JAZF1: variants seen among roughly 807,000 people sequenced by gnomAD.
The protein encoded by JAZF1 is JAZF zinc finger 1.
Under a neutral mutation model 26.4 loss-of-function variants are expected in JAZF1, and 8 were observed. The ratio of observed to expected loss-of-function variants is 0.30; its 90% CI spans 0.18 to 0.55. The LOEUF is 0.55. JAZF1 is among the 20% of genes least tolerant of loss of function. JAZF1 has a pLI of 0.94. For synonymous variants in JAZF1, 126 were observed against 122.3 expected (o/e 1.03, Z -0.20); for missense variants, 199 against 322.0 (o/e 0.62, Z 2.92).
intron 2 of JAZF1, among the ~76,000 whole-genome samples, chr7:27,968,710 T>C (rs1017592734): frequency 2.0e-5 from 3 of 152,192 alleles, no homozygotes; most frequent in African/African-American, 7.2e-5. Context: ...ATTCCCGCTG[T>C]CTAGCAAAGA....
chr7:28,083,116 C>T (rs1010168896), intron 1 of JAZF1, among the ~76,000 whole-genome samples: 23 of 152,174 alleles, frequency 1.5e-4, no homozygotes, highest in African/African-American at 5.6e-4. Context: ...TGCCTTCCAG[C>T]TTTTTGGCTT....
chr7:27,918,497 G>A (rs1385901321), intron 2 of JAZF1, among the ~76,000 whole-genome samples: 2 of 152,200 alleles, frequency 1.3e-5, no homozygotes, highest in Non-Finnish European at 2.9e-5. Context: ...AGGCATCTTT[G>A]TACCATCTTG....
At chr7:27,920,351 C>A (rs927802585) in intron 2 of JAZF1, among the ~76,000 whole-genome samples, 1 of 152,194 alleles carries the variant, frequency 6.6e-6, no homozygotes, top group Non-Finnish European at 1.5e-5. Context: ...AAAATCAGGA[C>A]ATTATTTATT....
chr7:28,072,161 G>C (rs1288718714), intron 1 of JAZF1, among the ~76,000 whole-genome samples: 1 of 152,204 alleles, frequency 6.6e-6, no homozygotes, highest in Non-Finnish European at 1.5e-5. Context: ...TTCACACACA[G>C]TTTGCACCTT....
intron 2 of JAZF1, among the ~76,000 whole-genome samples, chr7:27,947,954 C>CT (rs1190743542): frequency 6.6e-5 from 10 of 152,096 alleles, no homozygotes; most frequent in African/African-American, 2.2e-4. Flanking sequence ...TCCTACTTCT[C>CT]TTTTCTTATC....
At chr7:27,928,024 G>A (rs779019280) in intron 2 of JAZF1, among the ~76,000 whole-genome samples, 1 of 152,170 alleles carries the variant, frequency 6.6e-6, no homozygotes, top group Non-Finnish European at 1.5e-5. Flanking sequence ...TATTTGAATA[G>A]TTCATTTGTA....
intron 1 of JAZF1, among the ~76,000 whole-genome samples, chr7:28,151,389 G>A (rs1783110046): frequency 6.6e-6 from 1 of 151,788 alleles, no homozygotes; most frequent in South Asian, 2.1e-4. Flanking sequence ...ACAGGCATAA[G>A]CCACCATACC....
intron 1 of JAZF1, among the ~76,000 whole-genome samples, chr7:28,164,901 G>A (rs183003694): frequency 9.8e-5 from 15 of 152,296 alleles, no homozygotes; most frequent in Admixed American, 9.8e-4. Context: ...TCGGCATGTG[G>A]CTCACATCTG....
intron 2 of JAZF1, among the ~76,000 whole-genome samples, chr7:27,932,546 G>A (rs1784701923): frequency 6.6e-6 from 1 of 152,136 alleles, no homozygotes; most frequent in Admixed American, 6.5e-5. Flanking sequence ...ATGAAATACA[G>A]ACTTTTAAAA....
rs745661574 is a variant in JAZF1 at position 27,840,969 on chromosome 7, G to A, written c.386-102C>T. 27 of 1,251,462 alleles carry A rather than the reference G, an allele frequency of 2.2e-5. No individual in the cohort carries two copies. Among genetic ancestry groups the A allele is most frequent in the Middle Eastern group, 2.6e-4 (1 of 3,794 alleles). The allele number at this position is 1,251,462 out of a possible 1,614,324, so 77.5% of individuals were successfully genotyped here. The stretch of plus-strand genomic sequence containing the variant: ...GGAGATGTGGCCGTGGCAGAGCAGC[G>A]CTGACGGCCCAGGGAGAGGGCACTC... On this transcript the variant is annotated intron_variant, in intron 3 of 4. Transcript: ENST00000283928. The surrounding 1 kb of genome is among the most constrained non-coding windows in gnomAD (Gnocchi z 5.1).
chr7:27,897,850 C>T (rs1176530842), intron 2 of JAZF1, among the ~76,000 whole-genome samples: 1 of 152,188 alleles, frequency 6.6e-6, no homozygotes, highest in Non-Finnish European at 1.5e-5. Context: ...TGTCCTCCAT[C>T]CTCTGAACAG....
chr7:28,141,065 T>C (rs901296115), intron 1 of JAZF1, among the ~76,000 whole-genome samples: 5 of 152,246 alleles, frequency 3.3e-5, no homozygotes, highest in African/African-American at 1.2e-4. Flanking sequence ...GGTTATGTTA[T>C]GCTATCCCAG....
rs1554274814 is a variant in JAZF1 at position 27,909,002 on chromosome 7, T to TATTA, written c.189-13587_189-13586insTAAT. On this transcript the variant is annotated intron_variant, in intron 2 of 4. Coordinates refer to ENST00000283928, the MANE Select transcript of JAZF1 (RefSeq NM_175061.4). ...TTCAGGTAAGTACACACTTGAATAA[T>TATTA]ATTCATTCATTCATTCATTCATTCA... is the stretch of plus-strand genomic sequence containing the variant. 3.7e-3 allele frequency among the ~76,000 whole-genome samples: 558 copies of TATTA among 151,168 alleles called. 4 individuals are homozygous for TATTA. Among genetic ancestry groups the TATTA allele is most frequent in the African/African-American group, 0.013 (536 of 40,926 alleles).
rs796266372 is a variant in JAZF1 at position 27,924,510 on chromosome 7, A to T, written c.189-29094T>A. ...TGTTCACTATAATAAGAGCATAAAA[A>T]CTTTTCACAATCTCTCACAAAGTTA... On this transcript the variant is annotated intron_variant, in intron 2 of 4. Transcript: ENST00000283928. 2.6e-5 allele frequency among the ~76,000 whole-genome samples: 4 copies of T among 152,332 alleles called. No homozygotes were observed. In the South Asian group the frequency reaches 8.3e-4, roughly 32 times the overall value.
rs370940708 is a variant in JAZF1, at chr7:28,161,164, T to C, written c.115+19299A>G. On this transcript the variant is annotated intron_variant, in intron 1 of 4. Coordinates refer to ENST00000283928, the MANE Select transcript of JAZF1 (RefSeq NM_175061.4). The stretch of plus-strand genomic sequence containing the variant: ...AGGCTGTCGAAACAATAATAATATG[T>C]AGCACAATTCAGGCATTCAACAAAT... Among the ~76,000 whole-genome samples, 6 of 150,070 alleles carry C rather than the reference T, an allele frequency of 4.0e-5. No homozygotes were observed. The East Asian group carries it at 1.2e-3, about 29-fold the overall frequency.
chr7:27,982,666 T>G (rs1785609812), intron 2 of JAZF1, among the ~76,000 whole-genome samples: 1 of 152,166 alleles, frequency 6.6e-6, no homozygotes, highest in Non-Finnish European at 1.5e-5. Flanking sequence ...AATGGGTCCC[T>G]GACCCCCGAG....
intron 1 of JAZF1, among the ~76,000 whole-genome samples, chr7:28,164,243 C>T (rs1783332406): frequency 1.3e-5 from 2 of 152,218 alleles, no homozygotes; most frequent in Non-Finnish European, 1.5e-5. Flanking sequence ...GACCAGATAG[C>T]ATTAATGCTT....
intron 2 of JAZF1, among the ~76,000 whole-genome samples, chr7:27,902,214 GT>G (rs1318380156): frequency 6.6e-6 from 1 of 152,164 alleles, no homozygotes; most frequent in Non-Finnish European, 1.5e-5. Flanking sequence ...GTAATATGAA[GT>G]ATTTCTACTA....
At chr7:27,906,016 T>C (rs995617928) in intron 2 of JAZF1, among the ~76,000 whole-genome samples, 2 of 152,360 alleles carry the variant, frequency 1.3e-5, no homozygotes, top group South Asian at 4.1e-4. Context: ...TTTTTAAAAA[T>C]ATCTAAATGT....
Sources: allele counts gnomAD v4.1 joint callset (sites outside exome capture counted in the v4.1 genomes callset), GRCh38; gene constraint gnomAD v4.1.1; non-coding constraint Gnocchi (gnomAD v3.1); transcripts MANE v1.5; gene names NCBI Gene and HGNC (gene_info 2026-07-23, HGNC 2026-07-21).